TIAM1: variants seen among roughly 807,000 people sequenced by gnomAD.
TIAM1 encodes the protein TIAM Rac1 associated GEF 1.
In TIAM1, 65 loss-of-function variants were observed where a neutral mutation model predicts 163.5. That is an observed-to-expected ratio of 0.40 (90% CI 0.33 to 0.49). The LOEUF is 0.49. Ranked by LOEUF, TIAM1 falls within the 20% of genes least tolerant of loss-of-function variation. The pLI is 0.77. For synonymous variants in TIAM1, 833 were observed against 810.1 expected, an observed-to-expected ratio of 1.03 and a Z score of -0.48; for missense variants, 1,789 against 2,044.7, an observed-to-expected ratio of 0.87 and a Z score of 2.41.
chr21:31,123,100 T>C (rs2082061266), intron 27 of TIAM1, among the ~76,000 whole-genome samples: 1 of 152,206 alleles, frequency 6.6e-6, no homozygotes, highest in Non-Finnish European at 1.5e-5. Flanking sequence ...CGGACGATGG[T>C]GTTAAATTGT....
Position 31,547,433 on chromosome 21 carries a change from T to C in TIAM1, c.-422+11494A>G, listed in dbSNP as rs374946804. On this transcript the variant is annotated intron_variant, in intron 1 of 28. Coordinates refer to the TIAM1 transcript ENST00000286827. ...TTGGTGAGGTTTCACAGGGCCAAGGTTGCAGGCAGATCCAACCCTCAAAAT... is the reference window on the plus strand; with the variant it reads ...TTGGTGAGGTTTCACAGGGCCAAGGCTGCAGGCAGATCCAACCCTCAAAAT... 1.7e-3 allele frequency among the ~76,000 whole-genome samples: 261 copies of C among 152,294 alleles called. 2 individuals carry two copies. Among genetic ancestry groups the C allele is most frequent in the African/African-American group, 6.1e-3 (253 of 41,574 alleles).
At chr21:31,482,160 CT>C (rs11284954) in intron 1 of TIAM1, among the ~76,000 whole-genome samples, 88,372 of 149,444 alleles carry the variant, frequency 0.59, 26,959 homozygotes, top group African/African-American at 0.7. Flanking sequence ...AACAAACATC[CT>C]TTTTTTTTGA....
At chr21:31,136,279 T>C (rs758564134) in intron 22 of TIAM1, among the ~76,000 whole-genome samples, 24 of 152,254 alleles carry the variant, frequency 1.6e-4, no homozygotes, top group African/African-American at 4.3e-4. Context: ...TTTTTACTTG[T>C]CAATTTCATG....
intron 1 of TIAM1, among the ~76,000 whole-genome samples, chr21:31,468,550 G>A (rs1401828456): frequency 1.3e-5 from 2 of 151,984 alleles, no homozygotes; most frequent in East Asian, 1.9e-4. Context: ...ACCAAAGCGG[G>A]CGGATCACGA....
At chr21:31,161,657 A>C (rs2083928342) in intron 16 of TIAM1, among the ~76,000 whole-genome samples, 1 of 152,230 alleles carries the variant, frequency 6.6e-6, no homozygotes, top group South Asian at 2.1e-4. Flanking sequence ...AACCAAGAAT[A>C]TTACACAAAA....
intron 2 of TIAM1, among the ~76,000 whole-genome samples, chr21:31,403,196 G>A (rs2147222738): frequency 6.6e-6 from 1 of 152,172 alleles, no homozygotes; most frequent in African/African-American, 2.4e-5. Flanking sequence ...CATCCAGGCT[G>A]GAGTGCAGTG....
Position 31,172,648 on chromosome 21 carries a change from A to G in TIAM1, c.2888-7583T>C, listed in dbSNP as rs557421223. Among the ~76,000 whole-genome samples the G allele has an allele frequency of 3.3e-5, 5 of 152,282 alleles. No individual in the cohort carries two copies. The East Asian group carries it at 9.7e-4, about 29-fold the overall frequency. On this transcript the variant is annotated intron_variant, in intron 15 of 27. Coordinates refer to ENST00000541036, the MANE Select transcript of TIAM1 (RefSeq NM_001353694.2). ...GGTCTAGAGAGACAAAGTCTCAGGG[A>G]ATGAAGAAGCCCAGAGCAGGACTGT...
chr21:31,367,753 G>A (rs1430851058), intron 2 of TIAM1, among the ~76,000 whole-genome samples: 1 of 152,154 alleles, frequency 6.6e-6, no homozygotes, highest in Non-Finnish European at 1.5e-5. Flanking sequence ...GTCCTTGACA[G>A]ACTCATTCCT....
chr21:31,457,796 A>G (rs1181642600), intron 2 of TIAM1, among the ~76,000 whole-genome samples: 1 of 152,050 alleles, frequency 6.6e-6, no homozygotes, highest in Non-Finnish European at 1.5e-5. Flanking sequence ...GTGTCCCCCC[A>G]CCTCCTGCCT....
rs1425646012 is a variant in TIAM1 at position 31,227,528 on chromosome 21, GA to G, written c.1585-1579del. 2.6e-5 allele frequency among the ~76,000 whole-genome samples: 4 copies of G among 152,286 alleles called. No homozygotes were observed. In the East Asian group the frequency reaches 7.7e-4, roughly 29 times the overall value. ...AACATTTCAATATGCTAGACAATCT[GA>G]AGAAGAAACAGCAGAAGTACCACCT... On this transcript the variant is annotated intron_variant, in intron 6 of 27. Transcript: ENST00000541036.
chr21:31,328,201 C>T (rs1436848530), intron 2 of TIAM1, among the ~76,000 whole-genome samples: 3 of 152,138 alleles, frequency 2.0e-5, no homozygotes, highest in Admixed American at 1.3e-4. Flanking sequence ...CTTCAAGGGC[C>T]TCCACTGTAA....
chr21:31,491,308 T>C (rs1436682345), intron 1 of TIAM1, among the ~76,000 whole-genome samples: 1 of 152,206 alleles, frequency 6.6e-6, no homozygotes, highest in African/African-American at 2.4e-5. Context: ...AAACCCCATA[T>C]TGTTTAAGGT....
At chr21:31,426,061 G>A (rs976086302) in intron 2 of TIAM1, among the ~76,000 whole-genome samples, 2 of 152,012 alleles carry the variant, frequency 1.3e-5, no homozygotes, top group African/African-American at 4.8e-5. Context: ...GGATCAGGCG[G>A]TTTTTGGTTA....
chr21:31,512,304 T>G (rs1459022998), intron 1 of TIAM1, among the ~76,000 whole-genome samples: 1 of 152,026 alleles, frequency 6.6e-6, no homozygotes, highest in Admixed American at 6.6e-5. Context: ...TCCCCTGTGT[T>G]GCCCAGGCTG....
At chr21:31,230,115 T>C (rs532922066) in intron 6 of TIAM1, among the ~76,000 whole-genome samples, 1 of 152,264 alleles carries the variant, frequency 6.6e-6, no homozygotes, top group Admixed American at 6.5e-5. Flanking sequence ...CTCTCTCATC[T>C]CTGCCTCAGT....
chr21:31,450,179 T>C lies in TIAM1; in HGVS notation c.-369+13804A>G, dbSNP rs191954670. Reference sequence around the variant, plus strand: ...GATGCAATTTCCCTTCTTCCCAGAATATACAAGACAACTCTGTATCCTATC... The same window carrying C: ...GATGCAATTTCCCTTCTTCCCAGAACATACAAGACAACTCTGTATCCTATC... On this transcript the variant is annotated intron_variant, in intron 2 of 28. Transcript: ENST00000286827. Among the ~76,000 whole-genome samples the C allele has an allele frequency of 2.6e-4, 39 of 152,288 alleles. No homozygotes were observed. The East Asian group carries it at 7.5e-3, about 29-fold the overall frequency.
chr21:31,136,450 A>G (rs971288397), intron 22 of TIAM1, among the ~76,000 whole-genome samples: 4 of 152,064 alleles, frequency 2.6e-5, no homozygotes, highest in Non-Finnish European at 4.4e-5. Context: ...ATTATGTTCT[A>G]GCCAAGTTTG....
intron 1 of TIAM1, among the ~76,000 whole-genome samples, chr21:31,513,949 G>C (rs2047296448): frequency 6.6e-6 from 1 of 152,196 alleles, no homozygotes; most frequent in African/African-American, 2.4e-5. Context: ...AGAGGATGTA[G>C]TGAGCCGAGA....
intron 2 of TIAM1, among the ~76,000 whole-genome samples, chr21:31,300,211 C>T (rs2074448409): frequency 6.6e-6 from 1 of 152,186 alleles, no homozygotes; most frequent in South Asian, 2.1e-4. Context: ...CCTGACTCCA[C>T]ACTCTGGCAT....
Sources: gnomAD v4.1 joint callset for allele counts (sites outside exome capture counted in the v4.1 genomes callset) on GRCh38, gnomAD v4.1.1 for gene constraint, MANE v1.5 for transcripts, NCBI Gene and HGNC (gene_info 2026-07-23, HGNC 2026-07-21) for gene names.